HSPG2: variants seen among roughly 807,000 people sequenced by gnomAD.
The protein encoded by HSPG2 is heparan sulfate proteoglycan 2, also known as basement membrane-specific heparan sulfate proteoglycan core protein.
In HSPG2, 278 loss-of-function variants were observed where a neutral mutation model predicts 526.6. The observed-to-expected ratio is 0.53, with a 90% CI of 0.48 to 0.58. The LOEUF (loss-of-function observed/expected upper bound fraction) is 0.58. Ranked by LOEUF, HSPG2 falls within the 20% of genes least tolerant of loss-of-function variation. The pLI is 0.00. For synonymous variants in HSPG2, 2,465 were observed against 2,555.4 expected (o/e 0.96, Z 1.07); for missense variants, 5,354 against 6,099.5 (o/e 0.88, Z 4.07).
chr1:21,845,171 C>A (rs1418922812), intron 64 of HSPG2, among the ~76,000 whole-genome samples: 2 of 152,090 alleles, frequency 1.3e-5, no homozygotes, highest in African/African-American at 2.4e-5. Context: ...GCTTGAACCC[C>A]AGAGGTGGAG....
At chr1:21,834,069 A>G (rs970747405) in intron 77 of HSPG2, 144 bp from the exon 78 acceptor site, 4 of 728,424 alleles carry the variant, frequency 5.5e-6, no homozygotes, top group Non-Finnish European at 7.5e-6. Context: ...ATTATGGCTC[A>G]GAGGGGAAAA....
At chr1:21,920,914 A>T (rs1261388181) in intron 1 of HSPG2, among the ~76,000 whole-genome samples, 1 of 152,038 alleles carries the variant, frequency 6.6e-6, no homozygotes, top group Non-Finnish European at 1.5e-5. Flanking sequence ...TGCCCTCTTC[A>T]AACATGTGTC....
chr1:21,855,839 C>T lies in HSPG2; in HGVS notation c.5649G>A (p.Ala1883=), dbSNP rs1033486237. 32 of 1,613,076 alleles carry T rather than the reference C, an allele frequency of 2.0e-5. No homozygotes were observed. Among genetic ancestry groups the T allele is most frequent in the Middle Eastern group, 1.6e-4 (1 of 6,080 alleles). ...PQLTVQPGQL[A]EFRCSATGSP... is the part of the protein sequence containing the mutation. Reference sequence around the variant, plus strand: ...TCCCTGTGGCGCTGCAGCGGAACTCCGCCAGTTGCCCGGGCTGCACTGTGA... The same window carrying T: ...TCCCTGTGGCGCTGCAGCGGAACTCTGCCAGTTGCCCGGGCTGCACTGTGA... The change falls in exon 45 of 97, where the codon GCG becomes GCA. Residue 1883 remains alanine (A), a synonymous_variant. Transcript: ENST00000374695.
intron 64 of HSPG2, among the ~76,000 whole-genome samples, chr1:21,845,013 C>T (rs1204675929): frequency 6.6e-6 from 1 of 152,142 alleles, no homozygotes. Flanking sequence ...TTTGGGAGGC[C>T]GGGCTGGGCG....
chr1:21,874,785 G>T, intron 26 of HSPG2, 56 bp from the exon 27 acceptor site: 1 of 1,518,730 alleles, frequency 6.6e-7, no homozygotes, highest in Non-Finnish European at 9.0e-7. Flanking sequence ...CATTCAGGTA[G>T]GGGCACTGGA....
At position 21,885,411 on chromosome 1, in the gene HSPG2, G is replaced by C. The variant is rs770690893; in HGVS notation, c.1119C>G (p.Phe373Leu). Residue 373 changes from phenylalanine to leucine, a missense_variant, in exon 10 of 97, where the codon TTC (phenylalanine) becomes TTG (leucine). Coordinates refer to ENST00000374695, the MANE Select transcript of HSPG2 (RefSeq NM_005529.7). ...RPEEVCGPTQ[F>L]RCVSTNMCIP... is the part of the protein sequence containing the mutation. ...TGCACATGTTGGTAGAGACGCATCG[G>C]AACTGTGTGGGCCCGCACACTTCCT... The C allele has an allele frequency of 9.9e-6, 16 of 1,614,100 alleles. No individual in the cohort carries two copies. The highest frequency in any genetic ancestry group is 1.4e-5 in the Non-Finnish European group (16 of 1,180,006).
At position 21,832,483 on chromosome 1, in the gene HSPG2, T is replaced by TG. The variant is rs779369765; in HGVS notation, c.11207+11dup. On this transcript the variant is annotated intron_variant, in intron 81 of 96. Transcript: ENST00000374695. ...CCAGTCCCCCTGTAGGTGGGGAGGC[T>TG]GGGGGTCTCACCGGAACTCGGGCCT... is the stretch of plus-strand genomic sequence containing the variant. The TG allele has an allele frequency of 6.2e-7, 1 of 1,608,192 alleles. No individual in the cohort carries two copies. Among genetic ancestry groups the TG allele is most frequent in the Non-Finnish European group, 8.5e-7 (1 of 1,174,542 alleles).
At chr1:21,918,967 T>C (rs1379825472) in intron 1 of HSPG2, among the ~76,000 whole-genome samples, 1 of 152,156 alleles carries the variant, frequency 6.6e-6, no homozygotes, top group Non-Finnish European at 1.5e-5. Flanking sequence ...CTCTGATCTA[T>C]AGGGCAGTGG....
At position 21,834,723 on chromosome 1, in the gene HSPG2, T is replaced by C. The variant is rs2152696832; in HGVS notation, c.10676A>G (p.Asn3559Ser). Residue 3559 changes from asparagine (N) to serine (S), a missense_variant, in exon 77 of 97, where the codon AAC (asparagine) becomes AGC (serine). Asn to Ser is a conservative substitution (Grantham distance 46). Coordinates refer to ENST00000374695, the MANE Select transcript of HSPG2 (RefSeq NM_005529.7). ...GTGGGATTGTGTGGTGCCAGCTGCG[T>C]TGGTGGCAGTGCAGCGATACTGTCC... ...DAGQYRCTATNAAGTTQSHVL... is the reference protein window; with the variant it reads ...DAGQYRCTATSAAGTTQSHVL... 2 of 1,614,182 alleles carry C rather than the reference T, an allele frequency of 1.2e-6. No individual in the cohort carries two copies. The highest frequency in any genetic ancestry group is 1.7e-6 in the Non-Finnish European group (2 of 1,180,028).
chr1:21,834,995 G>GGCCCGAGGGAGGCCATAGACT (rs1553158576), intron 76 of HSPG2, 50 bp from the exon 77 acceptor site: 1 of 1,600,358 alleles, frequency 6.2e-7, no homozygotes, highest in Non-Finnish European at 8.5e-7. Context: ...CTGCAGGCCT[G>GGCCCGAGGGAGGCCATAGACT]GCCCGAGGGA....
intron 1 of HSPG2, among the ~76,000 whole-genome samples, chr1:21,902,930 A>G (rs548749856): frequency 3.3e-5 from 5 of 152,316 alleles, no homozygotes; most frequent in Admixed American, 6.5e-5. Context: ...GTCCATGTGA[A>G]CAACACGTGG....
chr1:21,892,932 G>C (rs954424978), intron 3 of HSPG2, among the ~76,000 whole-genome samples: 1 of 151,710 alleles, frequency 6.6e-6, no homozygotes, highest in African/African-American at 2.4e-5. Flanking sequence ...CACTGGTGCA[G>C]CCAGCAGGGG....
Position 21,887,255 on chromosome 1 carries a change from A to C in HSPG2, c.1038T>G (p.Gly346=), listed in dbSNP as rs1391368215. The C allele has an allele frequency of 6.2e-7, 1 of 1,613,742 alleles. No individual in the cohort carries two copies. Among genetic ancestry groups the C allele is most frequent in the Middle Eastern group, 1.7e-4 (1 of 6,050 alleles). The change falls in exon 9 of 97, where the codon GGT becomes GGG. Residue 346 remains glycine (G), a synonymous_variant. Transcript: ENST00000374695. This position sits in a 1 kb window ranked among gnomAD's most constrained non-coding sequence, Gnocchi z 5.0. ...HCALKLWRCD[G]DFDCEDRTDE... is the part of the protein sequence containing the mutation. ...CAGTTCGGTCCTCACAGTCAAAGTC[A>C]CCATCGCAGCGCCACAGCTTGAGGG...
chr1:21,830,504 G>A lies in HSPG2; in HGVS notation c.11672-413C>T, dbSNP rs1467759980. ...GAGTTCAAGACCAGCCATGGCCAAC[G>A]TAGTGAAACCCCGCCTCTACTAAAA... On this transcript the variant is annotated intron_variant, in intron 85 of 96. Transcript: ENST00000374695. The A allele has an allele frequency of 1.8e-5, 5 of 282,392 alleles. No individual in the cohort carries two copies. The East Asian group carries it at 2.7e-4, about 15-fold the overall frequency. 17.5% of individuals were successfully genotyped at this position (282,392 alleles called of 1,614,324 possible). A position where few individuals can be genotyped will look rare whatever the true frequency, so the allele number is the denominator to read the frequency against.
chr1:21,891,037 C>T (rs535652509), intron 3 of HSPG2, among the ~76,000 whole-genome samples: 10 of 152,224 alleles, frequency 6.6e-5, no homozygotes, highest in Non-Finnish European at 1.5e-4. Context: ...GGATTACCTG[C>T]GTGTGACTGG....
rs1572229589 is a variant in HSPG2 at position 21,852,749 on chromosome 1, G to T, written c.6675C>A (p.Gly2225=). The T allele has an allele frequency of 1.2e-6, 2 of 1,613,420 alleles. No individual in the cohort carries two copies. Among genetic ancestry groups the T allele is most frequent in the East Asian group, 4.5e-5 (2 of 44,880 alleles). ...EYVCHVVGTS[G]PLEASVLVTI... ...TGACCAGGACTGAGGCCTCTAGGGG[G>T]CCGGAGGTGCCCACCACATGGCACA... Residue 2225 remains glycine, a synonymous_variant, in exon 52 of 97, where the codon GGC becomes GGA. Coordinates refer to ENST00000374695, the MANE Select transcript of HSPG2 (RefSeq NM_005529.7).
chr1:21,880,728 G>C lies in HSPG2; in HGVS notation c.1926C>G (p.Tyr642Ter), dbSNP rs1004992039. 3.7e-6 allele frequency: 6 copies of C among 1,601,380 alleles called. No homozygotes were observed. Among genetic ancestry groups the C allele is most frequent in the Non-Finnish European group, 5.1e-6 (6 of 1,174,544 alleles). ...RPDVVLMGAG[Y>*]RLLSRGHTPT... ...GTGTGTGGCCTCGGGAGAGGAGGCG[G>C]TACCCGGCACCCATGAGGACCACGT... is the stretch of plus-strand genomic sequence containing the variant. The change falls in exon 15 of 97, where the codon TAC (tyrosine) becomes TAG (stop). Residue 642 changes from tyrosine (Y) to a stop codon, truncating the protein, a stop_gained. Transcript: ENST00000374695. LOFTEE classifies it high-confidence loss of function.
At chr1:21,831,144 C>A in intron 84 of HSPG2, 54 bp from the exon 85 acceptor site, 1 of 1,604,584 alleles carries the variant, frequency 6.2e-7, no homozygotes, top group Admixed American at 1.7e-5. Flanking sequence ...CCCCCATAAT[C>A]CCCACAGGGG....
Position 21,923,169 on chromosome 1 carries a change from G to A in HSPG2, c.63+13986C>T, listed in dbSNP as rs959299137. ...CACCTGTAATCCCAGCACTTTGGGA[G>A]GCCAAGGGAGGCGGATCACCTGAGG... On this transcript the variant is annotated intron_variant, in intron 1 of 96. Transcript: ENST00000374695. Among the ~76,000 whole-genome samples, 3 of 152,210 alleles carry A rather than the reference G, an allele frequency of 2.0e-5. 1 individual carries two copies. The highest frequency in any genetic ancestry group is 3.9e-4 in the East Asian group (2 of 5,180).
Sources: allele counts gnomAD v4.1 joint callset (sites outside exome capture counted in the v4.1 genomes callset), GRCh38; gene constraint gnomAD v4.1.1; non-coding constraint Gnocchi (gnomAD v3.1); transcripts MANE v1.5; gene names NCBI Gene and HGNC (gene_info 2026-07-23, HGNC 2026-07-21).